PTMA: variants seen among roughly 807,000 people sequenced by gnomAD.
PTMA encodes the protein gene sequence 28.
A neutral mutation model predicts 16.9 loss-of-function variants in PTMA; 4 were observed. The ratio of observed to expected loss-of-function variants is 0.24; its 90% CI spans 0.12 to 0.54. The LOEUF (loss-of-function observed/expected upper bound fraction) is 0.54. PTMA is among the 20% of genes least tolerant of loss of function. The probability of loss-of-function intolerance (pLI) is 0.95; values close to 1 mark genes in which losing one functional copy is unlikely to be tolerated. For synonymous variants in PTMA, 58 were observed against 47.9 expected (o/e 1.21, Z -0.87); for missense variants, 120 against 137.7 (o/e 0.87, Z 0.64).
chr2:231,712,367 T>TCGG (rs2048529607), intron 3 of PTMA, 76 bp from the exon 4 acceptor site: 2 of 1,482,054 alleles, frequency 1.3e-6, no homozygotes, highest in East Asian at 4.5e-5. Context: ...TGCAGTCCAC[T>TCGG]ACATGTTCCT....
intron 1 of PTMA, chr2:231,710,211 A>G: frequency 7.5e-7 from 1 of 1,338,498 alleles, no homozygotes; most frequent in Non-Finnish European, 9.7e-7. Context: ...GGGTGGCGGC[A>G]GTGGGGCGTC....
intron 1 of PTMA, among the ~76,000 whole-genome samples, chr2:231,708,985 G>A (rs1347684835): frequency 1.3e-5 from 2 of 152,170 alleles, no homozygotes; most frequent in Admixed American, 6.5e-5. Context: ...GCGCCCTCGG[G>A]GGCCGAGGGC....
intron 1 of PTMA, chr2:231,710,530 G>A: frequency 2.5e-6 from 2 of 787,596 alleles, no homozygotes; most frequent in South Asian, 2.9e-5. Flanking sequence ...GTGGCCCGGA[G>A]CCGCTCGCCG....
intron 1 of PTMA, 72 bp downstream of exon 1, chr2:231,708,823 C>G: frequency 2.6e-6 from 4 of 1,536,502 alleles, no homozygotes; most frequent in African/African-American, 1.4e-5. Flanking sequence ...CGCGCAGCAG[C>G]TGGACTGTCT....
intron 4 of PTMA, 60 bp downstream of exon 4, chr2:231,712,576 G>A: frequency 6.4e-7 from 1 of 1,554,010 alleles, no homozygotes; most frequent in Non-Finnish European, 8.9e-7. Flanking sequence ...CCTGCCTTTA[G>A]CTGAGGTGCT....
At chr2:231,710,249 C>G (rs751958055) in intron 1 of PTMA, 7 of 1,335,612 alleles carry the variant, frequency 5.2e-6, no homozygotes, top group Non-Finnish European at 5.8e-6. Flanking sequence ...GACCGACGCG[C>G]GACCCGCGCG....
chr2:231,712,343 C>T, intron 3 of PTMA, 100 bp from the exon 4 acceptor site: 1 of 1,268,588 alleles, frequency 7.9e-7, no homozygotes, highest in Non-Finnish European at 1.1e-6. Flanking sequence ...GCAGTAGAGG[C>T]AGGGCAGGGA....
intron 1 of PTMA, among the ~76,000 whole-genome samples, chr2:231,709,430 TCA>T (rs1447822655): frequency 6.6e-6 from 1 of 152,108 alleles, no homozygotes; most frequent in Non-Finnish European, 1.5e-5. Context: ...CCGCCCAGCT[TCA>T]GTCATGCACC....
At chr2:231,711,677 TG>T (rs1559288401) in intron 2 of PTMA, 1 of 917,382 alleles carries the variant, frequency 1.1e-6, no homozygotes, top group Non-Finnish European at 1.6e-6. Context: ...TGGCCCAGGG[TG>T]GGGAAAAGCC....
chr2:231,711,811 G>T, intron 2 of PTMA, 79 bp from the exon 3 acceptor site: 2 of 1,574,836 alleles, frequency 1.3e-6, no homozygotes, highest in South Asian at 2.3e-5. Flanking sequence ...GCCTCTGGTG[G>T]GAGGCCGGGC....
At position 231,708,766 on chromosome 2, in the gene PTMA, C is replaced by T. The variant is rs751438509; in HGVS notation, c.45+15C>T. 1.1e-5 allele frequency: 18 copies of T among 1,600,682 alleles called. No homozygotes were observed. The highest frequency in any genetic ancestry group is 2.2e-5 in the East Asian group (1 of 44,800). On this transcript the variant is annotated intron_variant, in intron 1 of 4. Transcript: ENST00000409115. Reference sequence around the variant, plus strand: ...TCACCACCAAGGTGAGGCTGGACGCCGCCCGCCCCCTCGGGGTCCGCGCGC... The same window carrying T: ...TCACCACCAAGGTGAGGCTGGACGCTGCCCGCCCCCTCGGGGTCCGCGCGC...
chr2:231,709,256 A>G (rs1171256516), intron 1 of PTMA, among the ~76,000 whole-genome samples: 1 of 152,034 alleles, frequency 6.6e-6, no homozygotes, highest in Non-Finnish European at 1.5e-5. Context: ...CCTGCAGCGG[A>G]CCTGAGGTGG....
chr2:231,710,304 A>G, intron 1 of PTMA: 1 of 1,258,608 alleles, frequency 7.9e-7, no homozygotes, highest in Non-Finnish European at 1.0e-6. Flanking sequence ...TCTCCAAGGC[A>G]AGGGACGCAC....
chr2:231,711,894 A>G lies in PTMA; in HGVS notation c.122A>G (p.Glu41Gly). Reference protein sequence around the residue: ...RDAPANGNANEENGEQEADNE... With the variant: ...RDAPANGNANGENGEQEADNE... Reference sequence around the variant, plus strand: ...GGCCTGTTTTCTGTCGAGGAGAATGAGGAAAATGGGGAGCAGGAGGCTGAC... The same window carrying G: ...GGCCTGTTTTCTGTCGAGGAGAATGGGGAAAATGGGGAGCAGGAGGCTGAC... The change falls in exon 3 of 5, where the codon GAG becomes GGG. Residue 41 changes from glutamate to glycine, a missense_variant. By Grantham distance (98) the Glu-to-Gly change is moderately conservative. Coordinates refer to ENST00000409115, the MANE Select transcript of PTMA (RefSeq NM_002823.5). 1.2e-6 allele frequency: 2 copies of G among 1,612,670 alleles called. No individual in the cohort carries two copies. The highest frequency in any genetic ancestry group is 1.7e-6 in the Non-Finnish European group (2 of 1,179,524).
At chr2:231,712,048 G>A in intron 3 of PTMA, 65 bp downstream of exon 3, 1 of 1,547,720 alleles carries the variant, frequency 6.5e-7, no homozygotes, top group South Asian at 1.2e-5. Flanking sequence ...GGCAGAAGGG[G>A]AAGGAAGGAA....
At position 231,710,081 on chromosome 2, in the gene PTMA, G is replaced by C. The variant is rs991628204; in HGVS notation, c.46-1267G>C. 8 of 1,233,506 alleles carry C rather than the reference G, an allele frequency of 6.5e-6. No homozygotes were observed. The African/African-American group carries it at 9.4e-5, about 14-fold the overall frequency. The allele number at this position is 1,233,506 out of a possible 1,614,324, so 76.4% of individuals were successfully genotyped here. A position where few individuals can be genotyped will look rare whatever the true frequency, so the allele number is the denominator to read the frequency against. On this transcript the variant is annotated intron_variant, in intron 1 of 4. Coordinates refer to ENST00000409115, the MANE Select transcript of PTMA (RefSeq NM_002823.5). ...CACCAAAAGGTGACTTCCCGCGAGG[G>C]CGATGAGTAGTAGCCCGAGAGGCGC...
chr2:231,710,725 T>G (rs1358430050), intron 1 of PTMA: 1 of 351,888 alleles, frequency 2.8e-6, no homozygotes, highest in South Asian at 2.0e-5. Context: ...AGTTGGTGGC[T>G]CCGGCGGCAG....
At chr2:231,711,572 G>A (rs550009683) in intron 2 of PTMA, 153 bp downstream of exon 2, 1 of 764,526 alleles carries the variant, frequency 1.3e-6, no homozygotes, top group South Asian at 1.8e-5. Flanking sequence ...TACCCGAGGC[G>A]CGATTATTGC....
rs922078928 is a variant in PTMA, at chr2:231,713,026, A to G, written c.*175A>G. 4.8e-6 allele frequency: 3 copies of G among 627,730 alleles called. No individual in the cohort carries two copies. The highest frequency in any genetic ancestry group is 1.9e-5 in the African/African-American group (1 of 53,774). 38.9% of individuals were successfully genotyped at this position (627,730 alleles called of 1,614,324 possible). A position where few individuals can be genotyped will look rare whatever the true frequency, so the allele number is the denominator to read the frequency against. ...CGCTCTCCACCACCCAACCCAAACC[A>G]TGAGAATTTGCAACAGGGGAGGAAA... is the stretch of plus-strand genomic sequence containing the variant. On this transcript the variant is annotated 3_prime_UTR_variant, in exon 5 of 5. Coordinates refer to ENST00000409115, the MANE Select transcript of PTMA (RefSeq NM_002823.5).
Sources: gnomAD v4.1 joint callset for allele counts (sites outside exome capture counted in the v4.1 genomes callset) on GRCh38, gnomAD v4.1.1 for gene constraint, MANE v1.5 for transcripts, NCBI Gene and HGNC (gene_info 2026-07-23, HGNC 2026-07-21) for gene names.